The following OTUD7A variants were observed in gnomAD, a reference collection of about 807,000 sequenced individuals.
OTUD7A encodes OTU deubiquitinase 7A.
In OTUD7A, 12 loss-of-function variants were observed where a neutral mutation model predicts 65.7. That is an observed-to-expected ratio of 0.18 (90% CI 0.12 to 0.30). The LOEUF (loss-of-function observed/expected upper bound fraction) is 0.30. Ranked by LOEUF, OTUD7A falls within the 10% of genes least tolerant of loss-of-function variation. OTUD7A has a pLI of 1.00. For missense variants in OTUD7A, 1,148 were observed against 1,304.8 expected (o/e 0.88, Z 1.85); for synonymous variants, 641 against 586.3 (o/e 1.09, Z -1.35).
chr15:31,629,505 T>C (rs1891072773), intron 3 of OTUD7A, among the ~76,000 whole-genome samples: 1 of 152,218 alleles, frequency 6.6e-6, no homozygotes. Context: ...CAGTATTTTA[T>C]TGAGGATTTT....
rs1489261568 is a variant in OTUD7A at position 31,509,059 on chromosome 15, A to C, written c.894-5241T>G. The stretch of plus-strand genomic sequence containing the variant: ...TTAATGTTAAACTTTATTTTAATAA[A>C]ATTTTGAAGACATTATTTACTTTTA... On this transcript the variant is annotated intron_variant, in intron 8 of 12. Coordinates refer to ENST00000307050, the MANE Select transcript of OTUD7A (RefSeq NM_001382637.1). Among the ~76,000 whole-genome samples, 4 of 152,284 alleles carry C rather than the reference A, an allele frequency of 2.6e-5. No homozygotes were observed. The East Asian group carries it at 7.7e-4, about 29-fold the overall frequency.
chr15:31,540,520 T>C, intron 5 of OTUD7A, among the ~76,000 whole-genome samples: 1 of 152,178 alleles, frequency 6.6e-6, no homozygotes, highest in South Asian at 2.1e-4. Context: ...CAGTGTGGTG[T>C]TGGGCAACTT....
At chr15:31,718,105 G>T (rs1441603733) in intron 1 of OTUD7A, among the ~76,000 whole-genome samples, 4 of 152,170 alleles carry the variant, frequency 2.6e-5, no homozygotes, top group Non-Finnish European at 5.9e-5. Flanking sequence ...TCTGTCCCCT[G>T]TGAACCACCT....
intron 1 of OTUD7A, among the ~76,000 whole-genome samples, chr15:31,739,494 T>C (rs1163473092): frequency 2.0e-5 from 3 of 152,210 alleles, no homozygotes; most frequent in Admixed American, 2.0e-4. Context: ...AATATGCACG[T>C]TGCCATTTCT....
chr15:31,574,868 C>G, intron 3 of OTUD7A, among the ~76,000 whole-genome samples: 1 of 152,136 alleles, frequency 6.6e-6, no homozygotes, highest in East Asian at 1.9e-4. Flanking sequence ...TTCCCCTCCT[C>G]TAATCAGCCC....
chr15:31,515,620 A>G (rs925888612), intron 8 of OTUD7A, among the ~76,000 whole-genome samples: 1 of 30,580 alleles, frequency 3.3e-5, no homozygotes, highest in African/African-American at 1.9e-4. Context: ...CCACCCACCC[A>G]CCCATCTCTC....
rs144302590 is a variant in OTUD7A at position 31,672,576 on chromosome 15, A to G, written c.-99-15499T>C. Among the ~76,000 whole-genome samples, 399 of 152,310 alleles carry G rather than the reference A, an allele frequency of 2.6e-3. 1 individual carries two copies. The highest frequency in any genetic ancestry group is 0.02 in the Middle Eastern group (6 of 294). ...GACAGTGGTTTAGTTCCACTTTACT[A>G]AAGCCCAGAGTGCCCAGTGGCAGAG... On this transcript the variant is annotated intron_variant, in intron 1 of 12. Coordinates refer to ENST00000307050, the MANE Select transcript of OTUD7A (RefSeq NM_001382637.1).
intron 1 of OTUD7A, among the ~76,000 whole-genome samples, chr15:31,711,930 G>A (rs62002679): frequency 0.15 from 23,274 of 151,620 alleles, 2,337 homozygotes; most frequent in South Asian, 0.37. Flanking sequence ...GGCAGATGGC[G>A]GTTATTGTGT....
intron 1 of OTUD7A, among the ~76,000 whole-genome samples, chr15:31,819,186 G>A (rs1267634757): frequency 2.0e-5 from 3 of 152,190 alleles, no homozygotes; most frequent in African/African-American, 7.2e-5. Context: ...AGCTAATGAA[G>A]GGCAGAACCC....
At chr15:31,759,659 G>A (rs898806547) in intron 1 of OTUD7A, among the ~76,000 whole-genome samples, 4 of 152,070 alleles carry the variant, frequency 2.6e-5, no homozygotes, top group South Asian at 4.2e-4. Context: ...TCAGCCTCCC[G>A]AGTAGCTGGG....
intron 1 of OTUD7A, among the ~76,000 whole-genome samples, chr15:31,814,527 CTTT>C (rs397853761): frequency 1.4e-5 from 2 of 144,698 alleles, no homozygotes; most frequent in Admixed American, 6.9e-5. Flanking sequence ...TGCGTAAGTT[CTTT>C]TTTTTTTTTT....
At chr15:31,547,085 C>CT (rs1211930075) in intron 5 of OTUD7A, among the ~76,000 whole-genome samples, 1 of 152,194 alleles carries the variant, frequency 6.6e-6, no homozygotes, top group African/African-American at 2.4e-5. Flanking sequence ...AGAGATGACT[C>CT]TAAGAGAAAA....
intron 1 of OTUD7A, among the ~76,000 whole-genome samples, chr15:31,857,105 C>A (rs1036388882): frequency 1.3e-5 from 2 of 152,224 alleles, no homozygotes; most frequent in Admixed American, 1.3e-4. Context: ...TGAGACACTT[C>A]CTTGAGACGC....
intron 1 of OTUD7A, among the ~76,000 whole-genome samples, chr15:31,717,386 C>T (rs967042336): frequency 2.0e-5 from 3 of 152,142 alleles, no homozygotes; most frequent in African/African-American, 7.2e-5. Context: ...GTTATCCCTC[C>T]CCTCGCCCCC....
chr15:31,862,354 G>A (rs568190198), intron 1 of OTUD7A, among the ~76,000 whole-genome samples: 1 of 152,310 alleles, frequency 6.6e-6, no homozygotes, highest in East Asian at 1.9e-4. Context: ...TATCTACTCT[G>A]AGTGAGAGGA....
At chr15:31,731,191 C>T (rs1269224352) in intron 1 of OTUD7A, among the ~76,000 whole-genome samples, 3 of 152,150 alleles carry the variant, frequency 2.0e-5, no homozygotes, top group Non-Finnish European at 4.4e-5. Context: ...TCTCTTTTTA[C>T]ATCCCTATGG....
intron 1 of OTUD7A, among the ~76,000 whole-genome samples, chr15:31,725,307 C>A (rs1294890764): frequency 6.6e-6 from 1 of 152,190 alleles, no homozygotes; most frequent in Non-Finnish European, 1.5e-5. Flanking sequence ...CATTGACAGT[C>A]GCCTGTCTCC....
chr15:31,543,975 T>C (rs1291456601), intron 5 of OTUD7A, among the ~76,000 whole-genome samples: 1 of 151,856 alleles, frequency 6.6e-6, no homozygotes, highest in East Asian at 1.9e-4. Context: ...TTAAAAAAAC[T>C]GATCATATTC....
Position 31,483,626 on chromosome 15 carries a change from G to A in OTUD7A, c.2470C>T (p.Leu824=). The A allele has an allele frequency of 1.7e-6, 2 of 1,184,298 alleles. No homozygotes were observed. The highest frequency in any genetic ancestry group is 2.1e-6 in the Non-Finnish European group (2 of 960,204). 73.4% of individuals were successfully genotyped at this position (1,184,298 alleles called of 1,614,324 possible). ...QSYSPARAAA[L]RTVNTVESLA... Reference sequence around the variant, plus strand: ...GACTCGACCGTGTTGACGGTGCGCAGGGCGGCGGCGCGCGCCGGGCTGTAG... The same window carrying A: ...GACTCGACCGTGTTGACGGTGCGCAAGGCGGCGGCGCGCGCCGGGCTGTAG... The change falls in exon 13 of 13, where the codon CTG becomes TTG. Residue 824 remains leucine, a synonymous_variant. Transcript: ENST00000307050.
Sources: allele counts gnomAD v4.1 joint callset (sites outside exome capture counted in the v4.1 genomes callset), GRCh38; gene constraint gnomAD v4.1.1; transcripts MANE v1.5; gene names NCBI Gene and HGNC (gene_info 2026-07-23, HGNC 2026-07-21).